Variants in GRID2 observed in about 807,000 individuals in gnomAD.
GRID2 encodes glutamate ionotropic receptor delta type subunit 2.
In GRID2, 33 loss-of-function variants were observed where a neutral mutation model predicts 114.8. The observed-to-expected ratio is 0.29, with a 90% CI of 0.22 to 0.38. The LOEUF (loss-of-function observed/expected upper bound fraction) is 0.38, where lower values mean the gene tolerates loss of function less well. Among genes scored for constraint, GRID2 ranks in the 10% least tolerant of loss-of-function variants. The pLI is 1.00. For synonymous variants in GRID2, 505 were observed against 449.9 expected, an observed-to-expected ratio of 1.12 and a Z score of -1.55; for missense variants, 1,184 against 1,257.7, an observed-to-expected ratio of 0.94 and a Z score of 0.89.
chr4:93,721,773 T>C (rs114502519), intron 14 of GRID2, among the ~76,000 whole-genome samples: 4 of 152,300 alleles, frequency 2.6e-5, no homozygotes, highest in Admixed American at 6.5e-5. Context: ...ATTGCTAAAA[T>C]TTGTCTCCAT....
chr4:93,070,323 T>C (rs956842927), intron 2 of GRID2, among the ~76,000 whole-genome samples: 3 of 152,078 alleles, frequency 2.0e-5, no homozygotes, highest in Non-Finnish European at 4.4e-5. Flanking sequence ...CTTTGTAAAG[T>C]GCATAGACAG....
intron 12 of GRID2, among the ~76,000 whole-genome samples, chr4:93,510,816 C>T (rs983161733): frequency 1.3e-5 from 2 of 152,144 alleles, no homozygotes; most frequent in African/African-American, 2.4e-5. Context: ...GAAACCTGAT[C>T]AAATACTGAT....
intron 11 of GRID2, among the ~76,000 whole-genome samples, chr4:93,489,378 A>G (rs1726745073): frequency 6.6e-6 from 1 of 151,982 alleles, no homozygotes; most frequent in African/African-American, 2.4e-5. Flanking sequence ...GAGAATGGTA[A>G]GAAATAAAGT....
At chr4:92,380,513 C>A (rs1404202709) in intron 1 of GRID2, among the ~76,000 whole-genome samples, 1 of 151,950 alleles carries the variant, frequency 6.6e-6, no homozygotes, top group African/African-American at 2.4e-5. Flanking sequence ...GATTTGGCTC[C>A]ATTTTTGTCT....
chr4:92,787,788 T>A (rs571817615), intron 2 of GRID2, among the ~76,000 whole-genome samples: 1 of 151,960 alleles, frequency 6.6e-6, no homozygotes, highest in South Asian at 2.1e-4. Context: ...GGTGTTACCA[T>A]TATCCTGATA....
intron 10 of GRID2, among the ~76,000 whole-genome samples, chr4:93,423,789 A>G (rs1401740366): frequency 6.6e-6 from 1 of 152,134 alleles, no homozygotes; most frequent in Non-Finnish European, 1.5e-5. Flanking sequence ...TATTAGGCAC[A>G]TAGACATTTA....
chr4:92,490,408 G>C (rs567651452), intron 1 of GRID2, among the ~76,000 whole-genome samples: 1 of 152,062 alleles, frequency 6.6e-6, no homozygotes, highest in Non-Finnish European at 1.5e-5. Context: ...CCCTTATATA[G>C]CATCCTGCTC....
chr4:93,415,050 G>T (rs146314451), intron 9 of GRID2, among the ~76,000 whole-genome samples: 3 of 151,990 alleles, frequency 2.0e-5, no homozygotes, highest in African/African-American at 7.2e-5. Context: ...AGTTTCAGTT[G>T]ACATTTATTA....
chr4:93,211,137 CA>C (rs1447475112), intron 5 of GRID2, among the ~76,000 whole-genome samples: 1 of 151,756 alleles, frequency 6.6e-6, no homozygotes, highest in Non-Finnish European at 1.5e-5. Flanking sequence ...TTTTAATATC[CA>C]ATTTAGCTTC....
At chr4:92,745,951 G>A (rs1737130965) in intron 2 of GRID2, among the ~76,000 whole-genome samples, 2 of 152,102 alleles carry the variant, frequency 1.3e-5, no homozygotes, top group Admixed American at 1.3e-4. Context: ...TTTCTCACAT[G>A]TTTTCATGAT....
chr4:92,937,049 C>T (rs560933642), intron 2 of GRID2, among the ~76,000 whole-genome samples: 2 of 146,324 alleles, frequency 1.4e-5, no homozygotes, highest in South Asian at 2.3e-4. Context: ...CTGTTGTTGA[C>T]TTGTGAAAGT....
intron 2 of GRID2, among the ~76,000 whole-genome samples, chr4:93,000,350 G>C (rs1328980623): frequency 6.6e-6 from 1 of 151,478 alleles, no homozygotes; most frequent in Admixed American, 6.6e-5. Flanking sequence ...ATAAATTTAA[G>C]ACATGCTGAG....
chr4:92,840,681 G>A (rs1742824791), intron 2 of GRID2, among the ~76,000 whole-genome samples: 1 of 151,942 alleles, frequency 6.6e-6, no homozygotes. Context: ...TCTTCATTGA[G>A]CATATATGTC....
At chr4:92,888,519 A>G (rs1219251959) in intron 2 of GRID2, among the ~76,000 whole-genome samples, 1 of 152,092 alleles carries the variant, frequency 6.6e-6, no homozygotes, top group East Asian at 1.9e-4. Context: ...TAATACTGCC[A>G]GTGGTATGTG....
chr4:92,960,577 T>C (rs1236660983), intron 2 of GRID2, among the ~76,000 whole-genome samples: 1 of 151,966 alleles, frequency 6.6e-6, no homozygotes. Flanking sequence ...GTTTTGATGA[T>C]TGTTAGCATA....
chr4:93,275,072 T>C (rs952806638), intron 8 of GRID2, among the ~76,000 whole-genome samples: 1 of 151,834 alleles, frequency 6.6e-6, no homozygotes, highest in Admixed American at 6.6e-5. Flanking sequence ...ACCCCCGACT[T>C]CCCCCTTTTC....
At chr4:93,744,557 T>C (rs1397505697) in intron 14 of GRID2, among the ~76,000 whole-genome samples, 1 of 152,156 alleles carries the variant, frequency 6.6e-6, no homozygotes, top group East Asian at 1.9e-4. Context: ...TGTGACTGAA[T>C]TGCTGAAATC....
rs142364557 is a variant in GRID2 at position 92,542,551 on chromosome 4, T to A, written c.89-47580T>A. Among the ~76,000 whole-genome samples the A allele has an allele frequency of 1.7e-3, 263 of 152,086 alleles. 1 individual carries two copies. The highest frequency in any genetic ancestry group is 6.2e-3 in the African/African-American group (258 of 41,518). On this transcript the variant is annotated intron_variant, in intron 1 of 15. Transcript: ENST00000282020. ...CAGGAATGAAAAAACAAACATCGTA[T>A]GTTCTCACTTATAAGTGAGAGCTAA...
chr4:92,336,973 T>TC, intron 1 of GRID2, among the ~76,000 whole-genome samples: 1 of 149,412 alleles, frequency 6.7e-6, no homozygotes. Flanking sequence ...TTTTTTTTTT[T>TC]TTCATGAATT....
Sources: allele counts gnomAD v4.1 joint callset (sites outside exome capture counted in the v4.1 genomes callset), GRCh38; gene constraint gnomAD v4.1.1; transcripts MANE v1.5; gene names NCBI Gene and HGNC (gene_info 2026-07-23, HGNC 2026-07-21).